BRD10: variants seen among roughly 807,000 people sequenced by gnomAD.
BRD10 encodes bromodomain containing 10.
the BRD10 span, chr9:5,924,705 T>A: frequency 1.9e-6 from 3 of 1,595,770 alleles, no homozygotes; most frequent in Admixed American, 1.7e-5. Context: ...TTCTGTTGAG[T>A]CTATAGACTT....
the BRD10 span, among the ~76,000 whole-genome samples, chr9:5,896,364 A>G: frequency 6.6e-6 from 1 of 152,274 alleles, no homozygotes; most frequent in Admixed American, 6.5e-5. Flanking sequence ...CAGCTTCCTG[A>G]TCTATAAAGC....
the BRD10 span, chr9:6,007,215 C>T: frequency 6.2e-7 from 1 of 1,613,326 alleles, no homozygotes; most frequent in African/African-American, 1.3e-5. Flanking sequence ...GCGCTAACTT[C>T]TGCTCCAGCA....
At chr9:6,007,714 C>A in the BRD10 span, 2 of 1,602,670 alleles carry the variant, frequency 1.2e-6, no homozygotes, top group Middle Eastern at 1.7e-4. Flanking sequence ...GTCGTCCTCT[C>A]CTTCGGCCGC....
At chr9:5,926,141 T>C in the BRD10 span, among the ~76,000 whole-genome samples, 1 of 152,040 alleles carries the variant, frequency 6.6e-6, no homozygotes, top group Non-Finnish European at 1.5e-5. Flanking sequence ...TGGTCTCAAA[T>C]TCCTGACCTC....
chr9:5,919,467 G>T, the BRD10 span: 5 of 476,512 alleles, frequency 1.0e-5, no homozygotes, highest in South Asian at 1.8e-4. Flanking sequence ...CCTCAGAACA[G>T]TAAGTGAAAT....
chr9:5,975,593 G>A, the BRD10 span, among the ~76,000 whole-genome samples: 3 of 151,964 alleles, frequency 2.0e-5, no homozygotes, highest in Admixed American at 1.3e-4. Flanking sequence ...AAACTACAAT[G>A]TCTGAGATGA....
the BRD10 span, among the ~76,000 whole-genome samples, chr9:5,931,963 T>C: frequency 6.6e-6 from 1 of 152,206 alleles, no homozygotes; most frequent in African/African-American, 2.4e-5. Flanking sequence ...GCCTGTTTTA[T>C]GTATCATCTG....
the BRD10 span, chr9:5,892,618 C>A: frequency 1.5e-6 from 2 of 1,321,626 alleles, no homozygotes; most frequent in South Asian, 1.3e-5. Context: ...TGCTGACTTC[C>A]ACCAGTACAT....
the BRD10 span, among the ~76,000 whole-genome samples, chr9:5,950,111 G>A: frequency 6.6e-6 from 1 of 152,130 alleles, no homozygotes; most frequent in Non-Finnish European, 1.5e-5. Context: ...ACATAATGAT[G>A]CAAATACTAT....
the BRD10 span, chr9:5,908,907 G>A: frequency 1.8e-6 from 1 of 553,648 alleles, no homozygotes; most frequent in Non-Finnish European, 3.2e-6. Context: ...ATATTAAATT[G>A]GGAAAACTCC....
chr9:5,920,560 GGAC>G, the BRD10 span: 91 of 1,613,862 alleles, frequency 5.6e-5, no homozygotes, highest in Non-Finnish European at 6.7e-5. Context: ...TTGTTGAAAG[GGAC>G]GACAATTCAG....
the BRD10 span, among the ~76,000 whole-genome samples, chr9:5,899,769 A>G: frequency 6.6e-6 from 1 of 152,318 alleles, no homozygotes; most frequent in Admixed American, 6.5e-5. Flanking sequence ...ACAACAGAGA[A>G]TATTTCTAAC....
the BRD10 span, among the ~76,000 whole-genome samples, chr9:5,905,261 G>T: frequency 6.6e-6 from 1 of 152,028 alleles, no homozygotes; most frequent in African/African-American, 2.4e-5. Flanking sequence ...CAACTGAATG[G>T]ACCCCCTCTT....
chr9:5,923,319 A>G, the BRD10 span: 1 of 1,572,788 alleles, frequency 6.4e-7, no homozygotes, highest in Non-Finnish European at 8.6e-7. Context: ...TCTGAAAATT[A>G]TAAAAACGGG....
the BRD10 span, among the ~76,000 whole-genome samples, chr9:5,930,193 G>T: frequency 1.3e-5 from 2 of 150,500 alleles, no homozygotes; most frequent in Admixed American, 1.3e-4. Context: ...TCTAACAAAA[G>T]ATACATAATT....
chr9:5,969,041 A>C, the BRD10 span: 1 of 1,612,522 alleles, frequency 6.2e-7, no homozygotes, highest in Non-Finnish European at 8.5e-7. Flanking sequence ...ACACAACCCC[A>C]GTTTTTCAGC....
the BRD10 span, among the ~76,000 whole-genome samples, chr9:6,005,048 T>G: frequency 6.6e-6 from 1 of 152,168 alleles, no homozygotes; most frequent in Admixed American, 6.5e-5. Flanking sequence ...CAGAAATACA[T>G]TATTTTTATA....
At chr9:5,952,546 AAC>A in the BRD10 span, among the ~76,000 whole-genome samples, 5 of 152,240 alleles carry the variant, frequency 3.3e-5, no homozygotes, top group South Asian at 4.1e-4. Flanking sequence ...TTAAAAAAGA[AAC>A]ACTGGTCATG....
the BRD10 span, among the ~76,000 whole-genome samples, chr9:5,959,546 G>A: frequency 6.6e-6 from 1 of 152,044 alleles, no homozygotes; most frequent in Non-Finnish European, 1.5e-5. Context: ...AAAGTAGAAG[G>A]ATTGAAAAAA....
Sources: gnomAD v4.1 joint callset for allele counts (sites outside exome capture counted in the v4.1 genomes callset) on GRCh38, gnomAD v4.1.1 for gene constraint, MANE v1.5 for transcripts, NCBI Gene and HGNC (gene_info 2026-07-23, HGNC 2026-07-21) for gene names.